Variants in CNOT4 observed in about 807,000 individuals in gnomAD.
The protein encoded by CNOT4 is CCR4-NOT transcription complex subunit 4.
CNOT4 carries 8 observed loss-of-function variants against 73.8 expected under a neutral mutation model. The ratio of observed to expected loss-of-function variants is 0.11; its 90% CI spans 0.06 to 0.20. The LOEUF (loss-of-function observed/expected upper bound fraction) is 0.20. CNOT4 is among the 10% of genes least tolerant of loss of function. The pLI, the probability that CNOT4 is intolerant of heterozygous loss-of-function variation, is 1.00. For missense variants in CNOT4, 564 were observed against 883.4 expected (o/e 0.64, Z 4.58); for synonymous variants, 293 against 321.1 (o/e 0.91, Z 0.94).
intron 3 of CNOT4, among the ~76,000 whole-genome samples, chr7:135,416,061 C>G (rs1008894590): frequency 6.6e-6 from 1 of 152,098 alleles, no homozygotes; most frequent in Non-Finnish European, 1.5e-5. Flanking sequence ...AAAAAGACAT[C>G]TCACATAATT....
chr7:135,484,966 C>A, intron 1 of CNOT4, among the ~76,000 whole-genome samples: 1 of 152,118 alleles, frequency 6.6e-6, no homozygotes. Flanking sequence ...ACTGAAGAGA[C>A]TTACTATGTT....
At chr7:135,465,747 T>C (rs1801180018) in intron 1 of CNOT4, among the ~76,000 whole-genome samples, 1 of 152,120 alleles carries the variant, frequency 6.6e-6, no homozygotes, top group Non-Finnish European at 1.5e-5. Flanking sequence ...AAAAAAATTT[T>C]TTTTTTTAAT....
At chr7:135,476,806 T>C (rs1029389344) in intron 1 of CNOT4, among the ~76,000 whole-genome samples, 4 of 152,106 alleles carry the variant, frequency 2.6e-5, no homozygotes, top group African/African-American at 9.7e-5. Flanking sequence ...ATCCCATCTC[T>C]ACAAAAAATA....
chr7:135,381,404 T>A (rs1795840835), intron 10 of CNOT4, among the ~76,000 whole-genome samples: 1 of 152,180 alleles, frequency 6.6e-6, no homozygotes, highest in South Asian at 2.1e-4. Context: ...TCAAAGCTAT[T>A]TAGAGTTGCT....
chr7:135,443,385 G>A (rs1209066488), intron 1 of CNOT4, among the ~76,000 whole-genome samples: 1 of 150,500 alleles, frequency 6.6e-6, no homozygotes, highest in East Asian at 1.9e-4. Flanking sequence ...TCATATACAT[G>A]ATCCAATCCT....
At chr7:135,465,941 C>A (rs1351021676) in intron 1 of CNOT4, among the ~76,000 whole-genome samples, 2 of 151,750 alleles carry the variant, frequency 1.3e-5, no homozygotes, top group Non-Finnish European at 2.9e-5. Flanking sequence ...CCCAGCTACT[C>A]TGGAGGCTGA....
At chr7:135,484,309 T>C (rs1416890077) in intron 1 of CNOT4, among the ~76,000 whole-genome samples, 1 of 152,080 alleles carries the variant, frequency 6.6e-6, no homozygotes, top group African/African-American at 2.4e-5. Context: ...ATTATGGAAA[T>C]TCCAGCCAGC....
At chr7:135,365,666 G>T (rs2129482396) in intron 10 of CNOT4, among the ~76,000 whole-genome samples, 1 of 152,226 alleles carries the variant, frequency 6.6e-6, no homozygotes, top group Non-Finnish European at 1.5e-5. Context: ...TTTTTAAAGG[G>T]TCAAATATTA....
rs756376765 is a variant in CNOT4, at chr7:135,395,866, C to T, written c.897G>A (p.Thr299=). 1.7e-5 allele frequency: 28 copies of T among 1,605,846 alleles called. No individual in the cohort carries two copies. Among genetic ancestry groups the T allele is most frequent in the Admixed American group, 1.5e-4 (9 of 59,980 alleles). The change falls in exon 9 of 12, where the codon ACG becomes ACA. Residue 299 remains threonine (T), a synonymous_variant. Transcript: ENST00000541284. The part of the protein sequence containing the change: ...DNSQQISNSD[T]PSPPPGLSKS... Reference sequence around the variant, plus strand: ...TTGACAAACCAGGTGGTGGTGAAGGCGTATCACTGTTAGATATCTGAATAA... The same window carrying T: ...TTGACAAACCAGGTGGTGGTGAAGGTGTATCACTGTTAGATATCTGAATAA...
Position 135,363,785 on chromosome 7 carries a change from T to G in CNOT4, c.1840+69A>C. On this transcript the variant is annotated intron_variant, in intron 11 of 11. Coordinates refer to ENST00000541284, the MANE Select transcript of CNOT4 (RefSeq NM_001190850.2). The surrounding 1 kb of genome is among the most constrained non-coding windows in gnomAD (Gnocchi z 4.3). ...CAGCTTATGTTGAAGAGATCTCGGT[T>G]TTTATTTAATCTGTGCTAAAAACCA... 1 of 1,292,940 alleles carries G rather than the reference T, an allele frequency of 7.7e-7. No homozygotes were observed. The highest frequency in any genetic ancestry group is 1.4e-5 in the South Asian group (1 of 72,054). The allele number at this position is 1,292,940 out of a possible 1,614,324, so 80.1% of individuals were successfully genotyped here. A position where few individuals can be genotyped will look rare whatever the true frequency, so the allele number is the denominator to read the frequency against.
At chr7:135,451,957 A>T (rs909302278) in intron 1 of CNOT4, among the ~76,000 whole-genome samples, 2 of 152,196 alleles carry the variant, frequency 1.3e-5, no homozygotes, top group African/African-American at 2.4e-5. Context: ...CAAATAAAAC[A>T]GTGATTCAGG....
intron 9 of CNOT4, 110 bp downstream of exon 9, chr7:135,395,519 TAAAAG>T: frequency 8.4e-7 from 1 of 1,195,650 alleles, no homozygotes; most frequent in Non-Finnish European, 1.2e-6. Flanking sequence ...GCATTTTTAT[TAAAAG>T]AGAACAGAGA....
chr7:135,373,979 T>C (rs942319707), intron 10 of CNOT4, among the ~76,000 whole-genome samples: 1 of 152,188 alleles, frequency 6.6e-6, no homozygotes, highest in Admixed American at 6.5e-5. Flanking sequence ...TCTGTCTGCT[T>C]GTGTTTGGGG....
chr7:135,448,083 G>A (rs1046637721), intron 1 of CNOT4, among the ~76,000 whole-genome samples: 1 of 152,058 alleles, frequency 6.6e-6, no homozygotes, highest in African/African-American at 2.4e-5. Context: ...CACTGCAAGG[G>A]GGGAAACAGA....
chr7:135,400,771 C>T (rs1198024620), intron 7 of CNOT4, among the ~76,000 whole-genome samples: 4 of 152,080 alleles, frequency 2.6e-5, no homozygotes, highest in African/African-American at 4.8e-5. Context: ...GTTATCTATC[C>T]GATAATAGCT....
chr7:135,426,535 A>T (rs1163591821), intron 2 of CNOT4, among the ~76,000 whole-genome samples: 1 of 151,262 alleles, frequency 6.6e-6, no homozygotes, highest in Non-Finnish European at 1.5e-5. Flanking sequence ...CCCAGGAGGC[A>T]GAACTTGCAG....
At chr7:135,369,620 C>T (rs1310668281) in intron 10 of CNOT4, among the ~76,000 whole-genome samples, 1 of 152,184 alleles carries the variant, frequency 6.6e-6, no homozygotes, top group Non-Finnish European at 1.5e-5. Flanking sequence ...TTTCTTGGTG[C>T]AAGTGGCTAC....
chr7:135,369,216 T>C (rs937855546), intron 10 of CNOT4, among the ~76,000 whole-genome samples: 1 of 152,172 alleles, frequency 6.6e-6, no homozygotes, highest in Non-Finnish European at 1.5e-5. Context: ...AATGACAACA[T>C]AGTGAGATAA....
At chr7:135,472,382 CAG>C (rs1174196308) in intron 1 of CNOT4, among the ~76,000 whole-genome samples, 1 of 142,320 alleles carries the variant, frequency 7.0e-6, no homozygotes, top group Non-Finnish European at 1.5e-5. Context: ...AAGGCTGAGG[CAG>C]GAGAATGGCG....
Sources: gnomAD v4.1 joint callset for allele counts (sites outside exome capture counted in the v4.1 genomes callset) on GRCh38, gnomAD v4.1.1 for gene constraint, Gnocchi (gnomAD v3.1) non-coding constraint, MANE v1.5 for transcripts, NCBI Gene and HGNC (gene_info 2026-07-23, HGNC 2026-07-21) for gene names.